The following OOSP1 variants were observed in gnomAD, a reference collection of about 807,000 sequenced individuals.
The protein encoded by OOSP1 is putative oocyte-secreted protein 1 homolog.
OOSP1 carries 11 observed loss-of-function variants against 5.7 expected under a neutral mutation model. That is an observed-to-expected ratio of 1.94 (90% confidence interval 1.22 to 3.20). OOSP1 has a LOEUF of 3.20. Ranked by LOEUF, OOSP1 falls within the 30% of genes most tolerant of loss-of-function variation. OOSP1 has a pLI of 0.00. For synonymous variants in OOSP1, 44 were observed against 20.0 expected (o/e 2.20, Z -3.20); for missense variants, 83 against 54.1 (o/e 1.53, Z -1.67).
intron 4 of OOSP1, among the ~76,000 whole-genome samples, chr11:59,950,307 T>C (rs1428522929): frequency 6.6e-6 from 1 of 152,124 alleles, no homozygotes; most frequent in East Asian, 1.9e-4. Context: ...TAGTTGAATA[T>C]AGAGGTCTAG....
chr11:59,949,340 T>TGG (rs1216867585), intron 4 of OOSP1, among the ~76,000 whole-genome samples: 1 of 151,924 alleles, frequency 6.6e-6, no homozygotes, highest in Non-Finnish European at 1.5e-5. Flanking sequence ...AGGGAATACT[T>TGG]GGGTGAGGGT....
chr11:59,949,983 A>G (rs1420555658), intron 4 of OOSP1, among the ~76,000 whole-genome samples: 1 of 152,226 alleles, frequency 6.6e-6, no homozygotes, highest in Non-Finnish European at 1.5e-5. Context: ...GAACATCTAC[A>G]GTGCCTAAGA....
chr11:59,940,249 A>G (rs1283013226), intron 1 of OOSP1, among the ~76,000 whole-genome samples: 2 of 152,248 alleles, frequency 1.3e-5, no homozygotes, highest in Non-Finnish European at 2.9e-5. Flanking sequence ...TAATATCAAT[A>G]TTCACTGACC....
intron 2 of OOSP1, 99 bp downstream of exon 2, chr11:59,943,127 G>C: frequency 1.9e-6 from 1 of 525,366 alleles, no homozygotes; most frequent in Non-Finnish European, 3.5e-6. Flanking sequence ...CCACCTATGA[G>C]TGAGAACATG....
At chr11:59,947,962 A>T (rs879538125) in intron 4 of OOSP1, 100 bp downstream of exon 4, 9 of 396,048 alleles carry the variant, frequency 2.3e-5, no homozygotes, top group Admixed American at 4.4e-5. Flanking sequence ...ATTTGTGTTA[A>T]GGTGCATTGT....
chr11:59,956,320 C>T (rs2134577461), intron 4 of OOSP1, among the ~76,000 whole-genome samples: 1 of 152,172 alleles, frequency 6.6e-6, no homozygotes, highest in South Asian at 2.1e-4. Context: ...CTCAGGGAGT[C>T]ATGGCTAAGT....
At chr11:59,941,182 G>C (rs954876980) in intron 1 of OOSP1, among the ~76,000 whole-genome samples, 3 of 152,074 alleles carry the variant, frequency 2.0e-5, no homozygotes, top group Non-Finnish European at 4.4e-5. Flanking sequence ...TTTTGGAATT[G>C]GCGTTTTTTT....
intron 4 of OOSP1, among the ~76,000 whole-genome samples, chr11:59,948,204 G>A (rs1429964451): frequency 6.6e-6 from 1 of 152,154 alleles, no homozygotes; most frequent in Non-Finnish European, 1.5e-5. Flanking sequence ...TTAACACTGA[G>A]CCTACAAAGT....
chr11:59,954,104 C>T (rs972486906), intron 4 of OOSP1, among the ~76,000 whole-genome samples: 1 of 152,158 alleles, frequency 6.6e-6, no homozygotes, highest in Non-Finnish European at 1.5e-5. Flanking sequence ...AACTGTATCA[C>T]ATTGGTATCT....
At chr11:59,947,116 C>T (rs567698742) in intron 3 of OOSP1, among the ~76,000 whole-genome samples, 1 of 152,096 alleles carries the variant, frequency 6.6e-6, no homozygotes, top group South Asian at 2.1e-4. Flanking sequence ...AAATCCTGAA[C>T]TGAAATTTTT....
chr11:59,957,291 C>G (rs769763887), exon 5 of OOSP1: 2 of 397,618 alleles, frequency 5.0e-6, no homozygotes, highest in Non-Finnish European at 8.9e-6. Context: ...TGCTGTTGAG[C>G]GAGATGATAG....
chr11:59,939,330 C>T lies in OOSP1; in HGVS notation c.76+800C>T, dbSNP rs534408100. ...GCAGTGGTATGATCTGGGCTCACTA[C>T]AGCCTCTGCCTCCCGGGTTCATGTG... On this transcript the variant is annotated intron_variant, in intron 1 of 4. Transcript: ENST00000646685. Among the ~76,000 whole-genome samples, 11 of 151,878 alleles carry T rather than the reference C, an allele frequency of 7.2e-5. No individual in the cohort carries two copies. The East Asian group carries it at 1.9e-3, about 27-fold the overall frequency.
intron 4 of OOSP1, among the ~76,000 whole-genome samples, chr11:59,950,300 T>C (rs1390322540): frequency 6.6e-6 from 1 of 152,122 alleles, no homozygotes; most frequent in Non-Finnish European, 1.5e-5. Context: ...AAGTGAGTAG[T>C]TGAATATAGA....
At chr11:59,939,159 C>G (rs1201811257) in intron 1 of OOSP1, among the ~76,000 whole-genome samples, 1 of 151,616 alleles carries the variant, frequency 6.6e-6, no homozygotes, top group Non-Finnish European at 1.5e-5. Context: ...TCTTTCTCTC[C>G]TCCCTTCTTT....
At chr11:59,957,430 C>T (rs1854003415) in exon 5 of OOSP1, 2 of 381,268 alleles carry the variant, frequency 5.2e-6, no homozygotes, top group African/African-American at 4.2e-5. Context: ...TGTCATCATA[C>T]GTGTTCATTG....
At chr11:59,954,006 C>A (rs549617997) in intron 4 of OOSP1, among the ~76,000 whole-genome samples, 10 of 152,156 alleles carry the variant, frequency 6.6e-5, no homozygotes, top group Non-Finnish European at 1.3e-4. Flanking sequence ...GATGGCATAG[C>A]CCATTTTACA....
At chr11:59,941,017 C>T (rs905660495) in intron 1 of OOSP1, among the ~76,000 whole-genome samples, 3 of 152,156 alleles carry the variant, frequency 2.0e-5, no homozygotes, top group Admixed American at 2.0e-4. Context: ...ATCAGGATGC[C>T]ACTTTTAGAG....
intron 2 of OOSP1, among the ~76,000 whole-genome samples, chr11:59,944,373 G>A (rs1025667791): frequency 6.7e-6 from 1 of 150,078 alleles, no homozygotes; most frequent in Non-Finnish European, 1.5e-5. Context: ...GGGGGGCAGG[G>A]AATATTCAAA....
rs555466817 is a variant in OOSP1, at chr11:59,940,342, T to C, written c.76+1812T>C. On this transcript the variant is annotated intron_variant, in intron 1 of 4. Coordinates refer to ENST00000646685, the Ensembl canonical transcript of OOSP1. ...AATAGAAGTAAAAGTTCAGGTAGAG[T>C]TGAAGTCCCTGTGGTCATTCCTGAT... Among the ~76,000 whole-genome samples the C allele has an allele frequency of 4.6e-5, 7 of 152,354 alleles. No individual in the cohort carries two copies. In the South Asian group the frequency reaches 1.0e-3, roughly 23 times the overall value.
Sources: gnomAD v4.1 joint callset for allele counts (sites outside exome capture counted in the v4.1 genomes callset) on GRCh38, gnomAD v4.1.1 for gene constraint, MANE v1.5 for transcripts, NCBI Gene and HGNC (gene_info 2026-07-23, HGNC 2026-07-21) for gene names.